The following FBF1 variants were observed in gnomAD, a reference collection of about 807,000 sequenced individuals.
FBF1 encodes Fas binding factor 1, also known as fas-binding factor 1.
Under a neutral mutation model 147.2 loss-of-function variants are expected in FBF1, and 119 were observed. The observed-to-expected ratio is 0.81, with a 90% CI of 0.70 to 0.94. FBF1 has a LOEUF of 0.94. Ranked by LOEUF, FBF1 falls within the 40% of genes least tolerant of loss-of-function variation. The pLI, the probability that FBF1 is intolerant of heterozygous loss-of-function variation, is 0.00. For synonymous variants in FBF1, 601 were observed against 609.0 expected (o/e 0.99, Z 0.19); for missense variants, 1,449 against 1,500.8 (o/e 0.97, Z 0.57).
intron 1 of FBF1, among the ~76,000 whole-genome samples, chr17:75,939,446 G>A (rs1003976578): frequency 6.6e-6 from 1 of 152,198 alleles, no homozygotes; most frequent in African/African-American, 2.4e-5. Context: ...AAGGAGGTGG[G>A]TGCCTGGCAC....
chr17:75,917,960 C>T lies in FBF1; in HGVS notation c.2357G>A (p.Gly786Glu), dbSNP rs2065499187. 6.2e-7 allele frequency: 1 copy of T among 1,606,204 alleles called. No homozygotes were observed. The highest frequency in any genetic ancestry group is 2.2e-5 in the East Asian group (1 of 44,728). Residue 786 changes from glycine to glutamate, a missense_variant, in exon 22 of 30, where the codon GGG (glycine) becomes GAG (glutamate). Gly to Glu is a moderately conservative substitution (Grantham distance 98). Coordinates refer to ENST00000636174, the MANE Select transcript of FBF1 (RefSeq NM_001319193.2). ...CAGCTGCTCGTCACGCTGCCGGATC[C>T]CCAGCTCCCGCTCCTGGGAGGTGGT... ...HLTTSQEREL[G>E]IRQRDEQLRA...
intron 1 of FBF1, chr17:75,939,801 A>T (rs2065649895): frequency 6.6e-6 from 1 of 151,900 alleles, no homozygotes; most frequent in African/African-American, 2.4e-5. Context: ...CCCCTCCTCC[A>T]CTTTACCAAA....
At position 75,921,570 on chromosome 17, in the gene FBF1, C is replaced by A. The variant is rs1248548912; in HGVS notation, c.1527-10G>T. On this transcript the variant is annotated splice_polypyrimidine_tract_variant and intron_variant, in intron 15 of 29. Coordinates refer to ENST00000636174, the MANE Select transcript of FBF1 (RefSeq NM_001319193.2). ...CTGAGTCACAGGGGACCTGAGGACACAGGGATGGGGCATGGTGAGCAGCCT... is the reference window on the plus strand; with the variant it reads ...CTGAGTCACAGGGGACCTGAGGACAAAGGGATGGGGCATGGTGAGCAGCCT... 1 of 1,604,290 alleles carries A rather than the reference C, an allele frequency of 6.2e-7. No homozygotes were observed. The highest frequency in any genetic ancestry group is 1.7e-5 in the Admixed American group (1 of 58,942).
chr17:75,921,940 C>T lies in FBF1; in HGVS notation c.1526+5G>A. ...ATTCCCACTCAGCCCGCAGCCCAGG[C>T]CTACCCCGAGACACCAGGCCTGACA... On this transcript the variant is annotated splice_donor_5th_base_variant and intron_variant, in intron 15 of 29. Transcript: ENST00000636174. 6.5e-7 allele frequency: 1 copy of T among 1,550,038 alleles called. No individual in the cohort carries two copies.
intron 1 of FBF1, 66 bp from the exon 2 acceptor site, chr17:75,938,298 G>A (rs917024975): frequency 1.5e-5 from 18 of 1,197,550 alleles, no homozygotes; most frequent in South Asian, 1.1e-4. Flanking sequence ...CATGGCTCAC[G>A]CCTGTTAATC....
Position 75,925,508 on chromosome 17 carries a change from G to T in FBF1, c.869-62C>A. The T allele has an allele frequency of 7.0e-7, 1 of 1,436,680 alleles. No individual in the cohort carries two copies. The allele number at this position is 1,436,680 out of a possible 1,614,324, so 89.0% of individuals were successfully genotyped here. A position where few individuals can be genotyped will look rare whatever the true frequency, so the allele number is the denominator to read the frequency against. ...AGGGGAACCAAGCTCATTTGCGGCT[G>T]CAAAATTCTAACAAAAGCTGAATTT... On this transcript the variant is annotated intron_variant, in intron 12 of 29. Coordinates refer to ENST00000636174, the MANE Select transcript of FBF1 (RefSeq NM_001319193.2). This position sits in a 1 kb window ranked among gnomAD's most constrained non-coding sequence, Gnocchi z 5.0.
chr17:75,935,598 C>G (rs746282473), intron 4 of FBF1, 34 bp downstream of exon 4: 1 of 1,530,910 alleles, frequency 6.5e-7, no homozygotes, highest in African/African-American at 1.4e-5. Flanking sequence ...CAGCAGCAGC[C>G]CAAATTAGGG....
chr17:75,921,577 G>A lies in FBF1; in HGVS notation c.1527-17C>T, dbSNP rs745786382. 8 of 1,605,798 alleles carry A rather than the reference G, an allele frequency of 5.0e-6. No homozygotes were observed. In the South Asian group the frequency reaches 8.9e-5, roughly 18 times the overall value. The stretch of plus-strand genomic sequence containing the variant: ...ACAGGGGACCTGAGGACACAGGGAT[G>A]GGGCATGGTGAGCAGCCTCTGTGTG... On this transcript the variant is annotated splice_polypyrimidine_tract_variant and intron_variant, in intron 15 of 29. Coordinates refer to ENST00000636174, the MANE Select transcript of FBF1 (RefSeq NM_001319193.2).
In FBF1 at chr17:75,928,615, C is replaced by G. The variant is rs373959415; in HGVS notation, c.280-422G>C. On this transcript the variant is annotated intron_variant, in intron 7 of 29. Coordinates refer to ENST00000636174, the MANE Select transcript of FBF1 (RefSeq NM_001319193.2). The surrounding 1 kb of genome is among the most constrained non-coding windows in gnomAD (Gnocchi z 4.2). ...ACCAGGTCAAGAAATCGAGACCATC[C>G]TGGCCAACATGATGAAACCCTGTCT... Among the ~76,000 whole-genome samples, 19 of 152,164 alleles carry G rather than the reference C, an allele frequency of 1.2e-4. No individual in the cohort carries two copies. In the East Asian group the frequency reaches 2.5e-3, roughly 20 times the overall value.
rs927529172 is a variant in FBF1 at position 75,922,440 on chromosome 17, T to C, written c.1425-394A>G. On this transcript the variant is annotated intron_variant, in intron 14 of 29. Transcript: ENST00000636174. The surrounding 1 kb of genome is among the most constrained non-coding windows in gnomAD (Gnocchi z 5.0). ...CCCTTTCCCATTATTTCCACCTCTTTCTCGGCTCACGGGTCAGTGAAGAGA... is the reference window on the plus strand; with the variant it reads ...CCCTTTCCCATTATTTCCACCTCTTCCTCGGCTCACGGGTCAGTGAAGAGA... Among the ~76,000 whole-genome samples, 1 of 152,164 alleles carries C rather than the reference T, an allele frequency of 6.6e-6. No individual in the cohort carries two copies. The highest frequency in any genetic ancestry group is 2.4e-5 in the African/African-American group (1 of 41,436).
Position 75,921,235 on chromosome 17 carries a change from C to A in FBF1, c.1674+9G>T, listed in dbSNP as rs1029993276. ...GCCCTGAGCTAGACCTGTCTGCCCA[C>A]ACCCCTACCTGGACGGGCACGGAAG... On this transcript the variant is annotated intron_variant, in intron 17 of 29. Transcript: ENST00000636174. The A allele has an allele frequency of 3.8e-6, 6 of 1,578,948 alleles. No individual in the cohort carries two copies. Among genetic ancestry groups the A allele is most frequent in the Non-Finnish European group, 2.6e-6 (3 of 1,162,186 alleles).
At position 75,914,757 on chromosome 17, in the gene FBF1, CTGA is replaced by C; in HGVS notation, c.2801_2803del (p.Ile934del). The C allele has an allele frequency of 6.4e-7, 1 of 1,572,604 alleles. No homozygotes were observed. The highest frequency in any genetic ancestry group is 8.6e-7 in the Non-Finnish European group (1 of 1,160,324). On this transcript the variant is annotated inframe_deletion, in exon 25 of 30. Transcript: ENST00000636174. ...GGCTCTGGGCCCTACCTTGGCCAGG[CTGA>C]TGAGGGTGCCCTCCCGCTGGGTGTC...
rs532444927 is a variant in FBF1 at position 75,922,443 on chromosome 17, C to T, written c.1425-397G>A. Among the ~76,000 whole-genome samples the T allele has an allele frequency of 6.6e-5, 10 of 152,292 alleles. No homozygotes were observed. Among genetic ancestry groups the T allele is most frequent in the East Asian group, 1.9e-4 (1 of 5,186 alleles). On this transcript the variant is annotated intron_variant, in intron 14 of 29. Coordinates refer to ENST00000636174, the MANE Select transcript of FBF1 (RefSeq NM_001319193.2). The surrounding 1 kb of genome is among the most constrained non-coding windows in gnomAD (Gnocchi z 5.0). ...TTTCCCATTATTTCCACCTCTTTCT[C>T]GGCTCACGGGTCAGTGAAGAGACAG...
rs199789116 is a variant in FBF1 at position 75,917,949 on chromosome 17, G to A, written c.2368C>T (p.Arg790Cys). Residue 790 changes from arginine (R) to cysteine (C), a missense_variant, in exon 22 of 30, where the codon CGT becomes TGT. Transcript: ENST00000636174. ...GGCGTACCCCGCAGCTGCTCGTCAC[G>A]CTGCCGGATCCCCAGCTCCCGCTCC... Reference protein sequence around the residue: ...SQERELGIRQRDEQLRALQER... With the variant: ...SQERELGIRQCDEQLRALQER... 7.5e-5 allele frequency: 120 copies of A among 1,603,286 alleles called. No homozygotes were observed. The highest frequency in any genetic ancestry group is 5.0e-4 in the Middle Eastern group (3 of 6,012).
intron 10 of FBF1, 123 bp downstream of exon 10, chr17:75,926,635 A>G: frequency 2.8e-6 from 4 of 1,428,194 alleles, no homozygotes; most frequent in Non-Finnish European, 3.8e-6. Context: ...ATCTCTTTGT[A>G]CTGGACCTTA....
chr17:75,911,294 G>A (rs1432350249), intron 29 of FBF1, among the ~76,000 whole-genome samples: 2 of 152,038 alleles, frequency 1.3e-5, no homozygotes, highest in African/African-American at 4.8e-5. Context: ...CAAAGCCTTC[G>A]GCATTGAGGT....
Position 75,940,093 on chromosome 17 carries a change from A to G in FBF1, c.-84+755T>C, listed in dbSNP as rs151327071. Among the ~76,000 whole-genome samples, 869 of 151,954 alleles carry G rather than the reference A, an allele frequency of 5.7e-3. 11 individuals are homozygous for G. Among genetic ancestry groups the G allele is most frequent in the African/African-American group, 0.02 (812 of 41,426 alleles). ...CCCGAGTAGCTGGGAATACAGGCAC[A>G]TGCCACCATGCCCGGTTAATTTTTG... On this transcript the variant is annotated intron_variant, in intron 1 of 29. Coordinates refer to ENST00000636174, the MANE Select transcript of FBF1 (RefSeq NM_001319193.2).
At chr17:75,916,303 G>C (rs76479578) in intron 23 of FBF1, among the ~76,000 whole-genome samples, 1 of 150,348 alleles carries the variant, frequency 6.7e-6, no homozygotes, top group South Asian at 2.1e-4. Flanking sequence ...CTGAGTGACA[G>C]TGAGACCCCA....
chr17:75,912,256 C>A lies in FBF1; in HGVS notation c.3299G>T (p.Gly1100Val), dbSNP rs747063973. 5 of 1,610,688 alleles carry A rather than the reference C, an allele frequency of 3.1e-6. No individual in the cohort carries two copies. The East Asian group carries it at 6.7e-5, about 22-fold the overall frequency. The part of the protein sequence containing the change: ...TTRWCSQPPT[G>V]LDPSPLHLHA... ...GAGGTGCAAGGGGCTGGGGTCCAGGCCAGTTGGCGGCTGGCTGCACCAACG... is the reference window on the plus strand; with the variant it reads ...GAGGTGCAAGGGGCTGGGGTCCAGGACAGTTGGCGGCTGGCTGCACCAACG... Residue 1100 changes from glycine to valine, a missense_variant, in exon 29 of 30, where the codon GGC becomes GTC. Gly to Val is a moderately radical substitution (Grantham distance 109). Coordinates refer to ENST00000636174, the MANE Select transcript of FBF1 (RefSeq NM_001319193.2).
Sources: allele counts gnomAD v4.1 joint callset (sites outside exome capture counted in the v4.1 genomes callset), GRCh38; gene constraint gnomAD v4.1.1; non-coding constraint Gnocchi (gnomAD v3.1); transcripts MANE v1.5; gene names NCBI Gene and HGNC (gene_info 2026-07-23, HGNC 2026-07-21).